COL5A2: variants seen among roughly 807,000 people sequenced by gnomAD.
COL5A2 encodes the protein collagen alpha-2(V) chain.
In COL5A2, 23 loss-of-function variants were observed where a neutral mutation model predicts 208.2. The ratio of observed to expected loss-of-function variants is 0.11; its 90% CI spans 0.08 to 0.16. COL5A2 has a LOEUF of 0.16. Ranked by LOEUF, COL5A2 falls within the 10% of genes least tolerant of loss-of-function variation. The probability of loss-of-function intolerance (pLI) is 1.00; values close to 1 mark genes in which losing one functional copy is unlikely to be tolerated. For missense variants in COL5A2, 1,590 were observed against 1,956.4 expected (o/e 0.81, Z 3.53); for synonymous variants, 625 against 628.5 (o/e 0.99, Z 0.08).
chr2:189,107,587 C>A (rs1405654355), intron 2 of COL5A2, among the ~76,000 whole-genome samples: 2 of 150,846 alleles, frequency 1.3e-5, no homozygotes, highest in East Asian at 3.9e-4. Flanking sequence ...TTTGTTGATT[C>A]TTTTTAACTT....
At chr2:189,237,594 T>C in the COL5A2 span, among the ~76,000 whole-genome samples, 1 of 151,860 alleles carries the variant, frequency 6.6e-6, no homozygotes, top group Non-Finnish European at 1.5e-5. Flanking sequence ...TTTGATGATA[T>C]ATAAGTAGAA....
At chr2:189,377,864 G>A in the COL5A2 span, among the ~76,000 whole-genome samples, 1 of 152,072 alleles carries the variant, frequency 6.6e-6, no homozygotes, top group Non-Finnish European at 1.5e-5. Flanking sequence ...TTCTTCTTGC[G>A]AACCAATTAT....
At chr2:189,171,436 G>A (rs896448456) in intron 1 of COL5A2, among the ~76,000 whole-genome samples, 1 of 152,196 alleles carries the variant, frequency 6.6e-6, no homozygotes, top group African/African-American at 2.4e-5. Context: ...GTAACTGAGG[G>A]ATAGATGATG....
At chr2:189,402,834 C>T in the COL5A2 span, among the ~76,000 whole-genome samples, 2 of 150,884 alleles carry the variant, frequency 1.3e-5, no homozygotes, top group Non-Finnish European at 2.9e-5. Context: ...AGTTTGAATT[C>T]TGGCAGCATG....
At chr2:189,340,246 G>A in the COL5A2 span, among the ~76,000 whole-genome samples, 1 of 152,172 alleles carries the variant, frequency 6.6e-6, no homozygotes, top group South Asian at 2.1e-4. Flanking sequence ...CTGGAGTAGT[G>A]TGCTACATGC....
chr2:189,079,002 A>C, intron 15 of COL5A2, 61 bp downstream of exon 15: 1 of 1,289,970 alleles, frequency 7.8e-7, no homozygotes, highest in Non-Finnish European at 1.1e-6. Flanking sequence ...CTCTTGTTGT[A>C]ATCTAAAAGG....
chr2:189,110,247 A>G lies in COL5A2; in HGVS notation c.300T>C (p.Pro100=). The G allele has an allele frequency of 6.2e-7, 1 of 1,613,890 alleles. No homozygotes were observed. The highest frequency in any genetic ancestry group is 8.5e-7 in the Non-Finnish European group (1 of 1,179,806). ...GECCPVCSQT[P]GGGNTNFGRG... ...TACCAAAATTGGTATTGCCACCTCC[A>G]GGTGTTTGTGAACAGACAGGACAGC... Residue 100 remains proline (P), a synonymous_variant, in exon 2 of 54, where the codon CCT becomes CCC. Transcript: ENST00000374866.
chr2:189,391,255 C>A, the COL5A2 span, among the ~76,000 whole-genome samples: 2 of 152,218 alleles, frequency 1.3e-5, no homozygotes, highest in East Asian at 3.9e-4. Flanking sequence ...GCATTCTACT[C>A]CTGTATTCCA....
chr2:189,202,769 G>A (rs1559144701), intron 1 of COL5A2, among the ~76,000 whole-genome samples: 1 of 152,084 alleles, frequency 6.6e-6, no homozygotes, highest in South Asian at 2.1e-4. Context: ...CAGTAAGGAT[G>A]AGGATAAGAG....
chr2:189,067,692 C>G (rs939872525), intron 21 of COL5A2, among the ~76,000 whole-genome samples: 1 of 152,108 alleles, frequency 6.6e-6, no homozygotes, highest in African/African-American at 2.4e-5. Flanking sequence ...CTCCATATTC[C>G]TCACACTGGC....
intron 1 of COL5A2, among the ~76,000 whole-genome samples, chr2:189,219,903 G>A (rs771438187): frequency 7.9e-5 from 12 of 151,778 alleles, no homozygotes; most frequent in East Asian, 1.9e-4. Context: ...AGTGTTCTTC[G>A]CTGAGTTTAA....
At chr2:189,419,821 AGAGAG>A in the COL5A2 span, among the ~76,000 whole-genome samples, 47 of 150,704 alleles carry the variant, frequency 3.1e-4, no homozygotes, top group South Asian at 1.1e-3. Context: ...AGAAAAGAAA[AGAGAG>A]GAGAGGAGAG....
the COL5A2 span, among the ~76,000 whole-genome samples, chr2:189,404,231 C>T: frequency 6.6e-6 from 1 of 152,124 alleles, no homozygotes; most frequent in Non-Finnish European, 1.5e-5. Flanking sequence ...AAGAGATTAG[C>T]ATTTGAATCA....
At chr2:189,201,181 G>T (rs1689064005) in intron 1 of COL5A2, among the ~76,000 whole-genome samples, 3 of 152,006 alleles carry the variant, frequency 2.0e-5, no homozygotes, top group Admixed American at 2.0e-4. Flanking sequence ...AACAAAAGAT[G>T]TGAAAAGGAA....
chr2:189,147,398 C>A (rs1688060752), intron 1 of COL5A2, among the ~76,000 whole-genome samples: 1 of 152,034 alleles, frequency 6.6e-6, no homozygotes, highest in Admixed American at 6.6e-5. Context: ...TCAGCGAAGA[C>A]CCTGGAAATC....
intron 1 of COL5A2, among the ~76,000 whole-genome samples, chr2:189,168,595 G>C (rs1688516201): frequency 6.6e-6 from 1 of 151,998 alleles, no homozygotes. Context: ...AAATGAATCT[G>C]AGAGGTTCTT....
At chr2:189,126,278 T>G (rs1432135338) in intron 1 of COL5A2, among the ~76,000 whole-genome samples, 1 of 152,086 alleles carries the variant, frequency 6.6e-6, no homozygotes, top group African/African-American at 2.4e-5. Flanking sequence ...TGTGGATTCT[T>G]TCCAATGGTA....
At chr2:189,365,157 A>G in the COL5A2 span, among the ~76,000 whole-genome samples, 1 of 152,274 alleles carries the variant, frequency 6.6e-6, no homozygotes, top group South Asian at 2.1e-4. Context: ...TTAAATATTC[A>G]CTTTCATCAT....
the COL5A2 span, among the ~76,000 whole-genome samples, chr2:189,406,396 G>A: frequency 6.6e-6 from 1 of 152,090 alleles, no homozygotes; most frequent in Non-Finnish European, 1.5e-5. Context: ...CTAAAAGTTG[G>A]CTTATGTTTA....
Sources: gnomAD v4.1 joint callset for allele counts (sites outside exome capture counted in the v4.1 genomes callset) on GRCh38, gnomAD v4.1.1 for gene constraint, MANE v1.5 for transcripts, NCBI Gene and HGNC (gene_info 2026-07-23, HGNC 2026-07-21) for gene names.